Variants in SMYD3 observed in about 807,000 individuals in gnomAD.
SMYD3 encodes the protein histone-lysine N-methyltransferase SMYD3.
In SMYD3, 36 loss-of-function variants were observed where a neutral mutation model predicts 57.7. That is an observed-to-expected ratio of 0.62 (90% CI 0.48 to 0.82). The LOEUF (loss-of-function observed/expected upper bound fraction) is 0.82, where lower values mean the gene tolerates loss of function less well. SMYD3 is among the 40% of genes least tolerant of loss of function. The probability of loss-of-function intolerance (pLI) is 0.00; values close to 1 mark genes in which losing one functional copy is unlikely to be tolerated. For synonymous variants in SMYD3, 211 were observed against 195.0 expected (o/e 1.08, Z -0.68); for missense variants, 515 against 538.8 (o/e 0.96, Z 0.44).
intron 5 of SMYD3, among the ~76,000 whole-genome samples, chr1:245,956,639 T>C (rs532163880): frequency 6.6e-6 from 1 of 152,194 alleles, no homozygotes; most frequent in African/African-American, 2.4e-5. Flanking sequence ...CTCCCTGTCT[T>C]TGTCTCCCTC....
At chr1:246,486,140 TAACTA>T (rs1179177394) in intron 1 of SMYD3, among the ~76,000 whole-genome samples, 1 of 152,244 alleles carries the variant, frequency 6.6e-6, no homozygotes, top group Admixed American at 6.5e-5. Context: ...TTTGTTCTTT[TAACTA>T]ATCTTATAAG....
intron 10 of SMYD3, chr1:245,788,875 C>G (rs2047153531): frequency 6.6e-6 from 1 of 152,214 alleles, no homozygotes; most frequent in Non-Finnish European, 1.5e-5. Flanking sequence ...TTACTTATGA[C>G]TCTAATTATG....
At chr1:246,449,142 G>A (rs1024153119) in intron 1 of SMYD3, among the ~76,000 whole-genome samples, 2 of 152,132 alleles carry the variant, frequency 1.3e-5, no homozygotes, top group Non-Finnish European at 2.9e-5. Context: ...TGAGATGGGA[G>A]AGTCACTTGA....
chr1:246,241,248 TA>T (rs2063602668), intron 5 of SMYD3, among the ~76,000 whole-genome samples: 1 of 152,230 alleles, frequency 6.6e-6, no homozygotes, highest in Admixed American at 6.5e-5. Flanking sequence ...CAGTTCTTAT[TA>T]TTTAGAGATA....
intron 3 of SMYD3, 50 bp downstream of exon 3, chr1:246,335,317 T>C (rs1360127149): frequency 3.4e-6 from 5 of 1,490,490 alleles, no homozygotes; most frequent in African/African-American, 1.4e-5. Context: ...TGCAATTGCA[T>C]ATGTTTATTT....
At chr1:246,055,027 T>G (rs996001286) in intron 5 of SMYD3, among the ~76,000 whole-genome samples, 1 of 151,648 alleles carries the variant, frequency 6.6e-6, no homozygotes, top group Admixed American at 6.6e-5. Flanking sequence ...TACAAAAAAA[T>G]TAGCCGGGCG....
At chr1:245,941,586 T>G (rs2057248111) in intron 5 of SMYD3, among the ~76,000 whole-genome samples, 1 of 152,196 alleles carries the variant, frequency 6.6e-6, no homozygotes, top group Admixed American at 6.5e-5. Flanking sequence ...AATGGAACAA[T>G]CTCGGCTCAC....
chr1:245,860,555 C>T (rs545608472), intron 9 of SMYD3, among the ~76,000 whole-genome samples: 1 of 152,214 alleles, frequency 6.6e-6, no homozygotes, highest in African/African-American at 2.4e-5. Flanking sequence ...CACCCCAATG[C>T]ACAGCTGAGA....
intron 5 of SMYD3, among the ~76,000 whole-genome samples, chr1:246,320,874 G>A (rs77274418): frequency 0.059 from 8,933 of 152,210 alleles, 397 homozygotes; most frequent in African/African-American, 0.12. Flanking sequence ...ATTCCATGGC[G>A]TTTCAATTAA....
At chr1:246,260,973 C>T (rs1162086483) in intron 5 of SMYD3, among the ~76,000 whole-genome samples, 2 of 152,156 alleles carry the variant, frequency 1.3e-5, no homozygotes, top group South Asian at 2.1e-4. Context: ...CAGCCCAAAC[C>T]CTCCCCTTAG....
chr1:245,762,626 C>G (rs1171820144), intron 11 of SMYD3, among the ~76,000 whole-genome samples: 3 of 152,236 alleles, frequency 2.0e-5, no homozygotes, highest in African/African-American at 7.2e-5. Flanking sequence ...TGAGTGCCCT[C>G]AGGGAATCCT....
At chr1:246,048,779 CAAA>C (rs60102397) in intron 5 of SMYD3, among the ~76,000 whole-genome samples, 1 of 137,122 alleles carries the variant, frequency 7.3e-6, no homozygotes. Context: ...GTATTTAAAG[CAAA>C]AAAAAAAAAG....
chr1:246,242,278 C>T (rs1242065850), intron 5 of SMYD3, among the ~76,000 whole-genome samples: 8 of 152,166 alleles, frequency 5.3e-5, no homozygotes, highest in Admixed American at 5.2e-4. Flanking sequence ...CCCAGAGATT[C>T]TGGCATGTTG....
intron 5 of SMYD3, among the ~76,000 whole-genome samples, chr1:246,068,359 A>C (rs564087603): frequency 6.6e-6 from 1 of 152,162 alleles, no homozygotes; most frequent in Non-Finnish European, 1.5e-5. Context: ...AAAGGGTACA[A>C]ATATGCTATG....
At chr1:246,285,692 C>G (rs559141114) in intron 5 of SMYD3, among the ~76,000 whole-genome samples, 104 of 152,114 alleles carry the variant, frequency 6.8e-4, no homozygotes, top group Non-Finnish European at 1.1e-3. Context: ...GAACAGTCAG[C>G]AGAGTAAACA....
chr1:246,290,841 G>A (rs1401694412), intron 5 of SMYD3, among the ~76,000 whole-genome samples: 2 of 151,896 alleles, frequency 1.3e-5, no homozygotes, highest in South Asian at 2.1e-4. Context: ...CCACACTGAT[G>A]TCTTCATCAT....
intron 5 of SMYD3, among the ~76,000 whole-genome samples, chr1:245,970,571 G>A (rs1288762797): frequency 6.6e-6 from 1 of 152,002 alleles, no homozygotes; most frequent in Non-Finnish European, 1.5e-5. Context: ...ATGACAAAGG[G>A]CTAATATCCA....
chr1:246,104,605 A>G lies in SMYD3; in HGVS notation c.532-174668T>C, dbSNP rs2147949373. Among the ~76,000 whole-genome samples, 2 of 152,276 alleles carry G rather than the reference A, an allele frequency of 1.3e-5. 1 individual carries two copies. The highest frequency in any genetic ancestry group is 4.1e-4 in the South Asian group (2 of 4,828). On this transcript the variant is annotated intron_variant, in intron 5 of 11. Transcript: ENST00000490107. ...AGCTGCAGGCTGGTCATGTTGCAAT[A>G]GGACGATATTCGTCTGGGACAGACT...
At chr1:246,413,284 C>T (rs2067006191) in intron 1 of SMYD3, among the ~76,000 whole-genome samples, 2 of 152,222 alleles carry the variant, frequency 1.3e-5, no homozygotes, top group South Asian at 4.2e-4. Context: ...AGTAAATAGT[C>T]CAGCTTATAT....
Sources: allele counts gnomAD v4.1 joint callset (sites outside exome capture counted in the v4.1 genomes callset), GRCh38; gene constraint gnomAD v4.1.1; transcripts MANE v1.5; gene names NCBI Gene and HGNC (gene_info 2026-07-23, HGNC 2026-07-21).